PCDH10: variants seen among roughly 807,000 people sequenced by gnomAD.
The protein encoded by PCDH10 is protocadherin-10.
Under a neutral mutation model 74.4 loss-of-function variants are expected in PCDH10, and 15 were observed. The observed-to-expected ratio is 0.20, with a 90% CI of 0.13 to 0.31. PCDH10 has a LOEUF of 0.31. PCDH10 is among the 10% of genes least tolerant of loss of function. The pLI, the probability that PCDH10 is intolerant of heterozygous loss-of-function variation, is 1.00. For missense variants in PCDH10, 1,260 were observed against 1,390.2 expected, an observed-to-expected ratio of 0.91 and a Z score of 1.49; for synonymous variants, 619 against 589.8, an observed-to-expected ratio of 1.05 and a Z score of -0.72.
At chr4:133,188,820 C>T (rs1727596489) in intron 4 of PCDH10, among the ~76,000 whole-genome samples, 2 of 151,356 alleles carry the variant, frequency 1.3e-5, no homozygotes, top group South Asian at 4.2e-4. Flanking sequence ...ATTATAGGCG[C>T]CCACCACCAT....
In PCDH10 at chr4:133,150,447, C is replaced by G. The variant is rs762372926; in HGVS notation, c.307C>G (p.Leu103Val). ...CCTGGAGGTCTTTCTGGAGAACCCC[C>G]TGGAGCTGTTCCAGGTGGAGATCGA... is the stretch of plus-strand genomic sequence containing the variant. ...LHLEVFLENP[L>V]ELFQVEIEVL... Residue 103 changes from leucine (L) to valine (V), a missense_variant, in exon 1 of 5, where the codon CTG becomes GTG. Physicochemically the swap from Leu to Val is conservative, Grantham distance 32 (BLOSUM62 1). Coordinates refer to ENST00000264360, the MANE Select transcript of PCDH10 (RefSeq NM_032961.3). 6.2e-7 allele frequency: 1 copy of G among 1,614,030 alleles called. No individual in the cohort carries two copies. The highest frequency in any genetic ancestry group is 8.5e-7 in the Non-Finnish European group (1 of 1,180,002).
chr4:133,162,102 T>C (rs1175080213), intron 3 of PCDH10, among the ~76,000 whole-genome samples: 1 of 152,168 alleles, frequency 6.6e-6, no homozygotes, highest in African/African-American at 2.4e-5. Flanking sequence ...TTTGAACTTG[T>C]CCTTTGAAAT....
rs1726763193 is a variant in PCDH10 at position 133,152,736 on chromosome 4, G to A, written c.2596G>A (p.Asp866Asn). 1 of 1,614,220 alleles carries A rather than the reference G, an allele frequency of 6.2e-7. No individual in the cohort carries two copies. The highest frequency in any genetic ancestry group is 8.5e-7 in the Non-Finnish European group (1 of 1,180,048). ...CACCGGTTACACCGACCAGCAGCCT[G>A]ATATCATCTCCAACGGAAGCATTTT... ...IVTGYTDQQP[D>N]IISNGSILSN... The change falls in exon 1 of 5, where the codon GAT becomes AAT. Residue 866 changes from aspartate to asparagine, a missense_variant. Around this residue, in one of 11 missense-constraint regions of PCDH10, gnomAD observed 587 missense variants for 616.9 expected, o/e 0.95. Coordinates refer to ENST00000264360, the MANE Select transcript of PCDH10 (RefSeq NM_032961.3).
At chr4:133,170,114 C>T (rs1727172631) in intron 4 of PCDH10, among the ~76,000 whole-genome samples, 1 of 151,848 alleles carries the variant, frequency 6.6e-6, no homozygotes, top group South Asian at 2.1e-4. Flanking sequence ...CCTTGTCTCC[C>T]AAAACGTAAT....
At chr4:133,170,447 C>T (rs529053959) in intron 4 of PCDH10, among the ~76,000 whole-genome samples, 2 of 152,162 alleles carry the variant, frequency 1.3e-5, no homozygotes, top group South Asian at 2.1e-4. Context: ...TTTATATGCT[C>T]TGGTTTCGTG....
At chr4:133,175,608 A>G (rs1417057989) in intron 4 of PCDH10, among the ~76,000 whole-genome samples, 1 of 152,158 alleles carries the variant, frequency 6.6e-6, no homozygotes, top group Admixed American at 6.6e-5. Flanking sequence ...TAGGAAAAAT[A>G]AAAATACTAT....
intron 4 of PCDH10, among the ~76,000 whole-genome samples, chr4:133,178,402 A>G (rs918222656): frequency 1.3e-5 from 2 of 151,738 alleles, no homozygotes; most frequent in African/African-American, 4.8e-5. Flanking sequence ...ACGACCGGCT[A>G]ATTTTGTATA....
chr4:133,160,149 G>T (rs1726937705), intron 3 of PCDH10, among the ~76,000 whole-genome samples: 1 of 151,738 alleles, frequency 6.6e-6, no homozygotes, highest in Admixed American at 6.6e-5. Context: ...TATTTACGTT[G>T]TTTTAAATGT....
At chr4:133,195,784 C>A (rs2125875839), downstream of PCDH10, among the ~76,000 whole-genome samples, 1 of 151,992 alleles carries the variant, frequency 6.6e-6, no homozygotes, top group South Asian at 2.1e-4. Flanking sequence ...CAAAATACAT[C>A]ATTTATGTAA....
downstream of PCDH10, among the ~76,000 whole-genome samples, chr4:133,198,095 C>T (rs1727829869): frequency 6.6e-6 from 1 of 151,722 alleles, no homozygotes; most frequent in Non-Finnish European, 1.5e-5. Context: ...TTTTGATCCC[C>T]TTTAATATTA....
intron 3 of PCDH10, among the ~76,000 whole-genome samples, chr4:133,155,380 A>G (rs1363268287): frequency 6.6e-6 from 1 of 152,178 alleles, no homozygotes; most frequent in Non-Finnish European, 1.5e-5. Context: ...TTGTTTATGG[A>G]TGAGATAACT....
rs772060602 is a variant in PCDH10 at position 133,150,795 on chromosome 4, G to A, written c.655G>A (p.Gly219Ser). ...AGGAGTAGGAGAAGGAGGGGGAGGT[G>A]GCGGGGGAGCAGGCCTGCCCCCCCA... ...GGGVGEGGGG[G>S]GGAGLPPQQQ... The change falls in exon 1 of 5, where the codon GGC becomes AGC. Residue 219 changes from glycine to serine, a missense_variant. Coordinates refer to ENST00000264360, the MANE Select transcript of PCDH10 (RefSeq NM_032961.3). The A allele has an allele frequency of 6.3e-7, 1 of 1,580,946 alleles. No individual in the cohort carries two copies. Among genetic ancestry groups the A allele is most frequent in the Non-Finnish European group, 8.6e-7 (1 of 1,164,462 alleles).
At chr4:133,200,061 G>T (rs1280016523) in intron 2 of PCDH10, among the ~76,000 whole-genome samples, 3 of 151,660 alleles carry the variant, frequency 2.0e-5, no homozygotes, top group Middle Eastern at 3.4e-3. Flanking sequence ...GCCTCCCAAA[G>T]TGCTGGGATT....
rs187583607 is a variant in PCDH10 at position 133,204,974 on chromosome 4, T to G, written n.438-3102T>G. On this transcript the variant is annotated intron_variant and non_coding_transcript_variant, in intron 2 of 2. Transcript: ENST00000511112. Reference sequence around the variant, plus strand: ...GAGAAAAGCTTTGTGTTTCAAGAAGTGCACCCTGGTTCCAAGGGGATGATG... The same window carrying G: ...GAGAAAAGCTTTGTGTTTCAAGAAGGGCACCCTGGTTCCAAGGGGATGATG... Among the ~76,000 whole-genome samples the G allele has an allele frequency of 2.6e-4, 39 of 152,276 alleles. No homozygotes were observed. The East Asian group carries it at 6.4e-3, about 25-fold the overall frequency.
intron 4 of PCDH10, among the ~76,000 whole-genome samples, chr4:133,175,012 T>C (rs1214923011): frequency 1.3e-5 from 2 of 151,780 alleles, no homozygotes; most frequent in South Asian, 2.1e-4. Flanking sequence ...TCACTCTCTT[T>C]GTAGTAATTT....
chr4:133,170,437 T>G (rs747463291), intron 4 of PCDH10, among the ~76,000 whole-genome samples: 4 of 152,150 alleles, frequency 2.6e-5, no homozygotes, highest in African/African-American at 9.7e-5. Flanking sequence ...ATAAATACAT[T>G]TTATATGCTC....
chr4:133,157,034 A>G (rs1726881164), intron 3 of PCDH10, among the ~76,000 whole-genome samples: 1 of 152,220 alleles, frequency 6.6e-6, no homozygotes, highest in African/African-American at 2.4e-5. Context: ...TTTTGTTTTT[A>G]TCAAAATGTT....
chr4:133,201,335 G>T (rs1372753178), intron 2 of PCDH10, among the ~76,000 whole-genome samples: 1 of 152,084 alleles, frequency 6.6e-6, no homozygotes, highest in Non-Finnish European at 1.5e-5. Flanking sequence ...TAGGATTATG[G>T]GGATGGAGAC....
chr4:133,178,932 A>G (rs1727353146), intron 4 of PCDH10, among the ~76,000 whole-genome samples: 1 of 152,084 alleles, frequency 6.6e-6, no homozygotes, highest in African/African-American at 2.4e-5. Flanking sequence ...GTACTCTTTT[A>G]TAGGTTTCCT....
Sources: gnomAD v4.1 joint callset for allele counts (sites outside exome capture counted in the v4.1 genomes callset) on GRCh38, gnomAD v4.1.1 for gene constraint, gnomAD v4.1.1 regional missense constraint, MANE v1.5 for transcripts, NCBI Gene and HGNC (gene_info 2026-07-23, HGNC 2026-07-21) for gene names.